RPAP3: variants seen among roughly 807,000 people sequenced by gnomAD.
RPAP3 encodes RNA polymerase II associated protein 3, also known as RNA polymerase II-associated protein 3.
A neutral mutation model predicts 88.8 loss-of-function variants in RPAP3; 58 were observed. The observed-to-expected ratio is 0.65, with a 90% confidence interval of 0.53 to 0.81. RPAP3 has a LOEUF of 0.81. Among genes scored for constraint, RPAP3 ranks in the 40% least tolerant of loss-of-function variants. The pLI, the probability that RPAP3 is intolerant of heterozygous loss-of-function variation, is 0.00. For missense variants in RPAP3, 751 were observed against 764.3 expected (o/e 0.98, Z 0.20); for synonymous variants, 255 against 259.9 (o/e 0.98, Z 0.18).
intron 9 of RPAP3, among the ~76,000 whole-genome samples, chr12:47,683,410 A>G (rs1376509876): frequency 6.6e-5 from 10 of 152,222 alleles, no homozygotes; most frequent in Non-Finnish European, 1.2e-4. Flanking sequence ...TATTTGCTGA[A>G]TAAGTAAATC....
rs186580896 is a variant in RPAP3, at chr12:47,664,127, C to A, written c.1913-537G>T. ...ATCATGGGCCAGGCGTGGTGGTTCA[C>A]GCCTGTAATCCCAGCACTTTGGGAG... On this transcript the variant is annotated intron_variant, in intron 16 of 16. Transcript: ENST00000005386. Among the ~76,000 whole-genome samples, 517 of 152,304 alleles carry A rather than the reference C, an allele frequency of 3.4e-3. 3 individuals are homozygous for A. The highest frequency in any genetic ancestry group is 0.012 in the African/African-American group (478 of 41,560).
intron 12 of RPAP3, among the ~76,000 whole-genome samples, chr12:47,675,507 G>A (rs916220581): frequency 5.9e-5 from 9 of 152,124 alleles, no homozygotes; most frequent in East Asian, 3.9e-4. Flanking sequence ...CCCATCTCAC[G>A]TGCAAAGACG....
chr12:47,668,317 C>T (rs1243729910), intron 14 of RPAP3, among the ~76,000 whole-genome samples: 1 of 152,116 alleles, frequency 6.6e-6, no homozygotes, highest in Non-Finnish European at 1.5e-5. Context: ...TCACTCTATT[C>T]TAGTCACAGA....
At chr12:47,679,450 A>G (rs1274306656) in intron 12 of RPAP3, 43 bp downstream of exon 12, 1 of 1,301,212 alleles carries the variant, frequency 7.7e-7, no homozygotes, top group South Asian at 1.3e-5. Flanking sequence ...TCCTATTACA[A>G]CATATTTAAA....
chr12:47,696,375 T>C lies in RPAP3; in HGVS notation c.446A>G (p.Tyr149Cys), dbSNP rs1387060444. ...KGNKYFKQGK[Y>C]DEAIDCYTKG... The stretch of plus-strand genomic sequence containing the variant: ...TGTGTAGCAGTCAATTGCTTCATCA[T>C]ATTTTCCTTGTTTGAAGTATTTATT... Residue 149 changes from tyrosine to cysteine, a missense_variant, in exon 5 of 17, where the codon TAT becomes TGT. By Grantham distance (194) the Tyr-to-Cys change is radical (BLOSUM62 -2). Transcript: ENST00000005386. 1.9e-6 allele frequency: 3 copies of C among 1,590,484 alleles called. No homozygotes were observed. The highest frequency in any genetic ancestry group is 3.5e-5 in the Admixed American group (2 of 57,114).
chr12:47,675,158 G>T (rs1592471720), intron 12 of RPAP3, among the ~76,000 whole-genome samples: 1 of 152,168 alleles, frequency 6.6e-6, no homozygotes, highest in African/African-American at 2.4e-5. Flanking sequence ...AGCTTCCTAA[G>T]TGAAGGAGAA....
chr12:47,673,444 C>CAAAAAAA (rs35080899), intron 12 of RPAP3, among the ~76,000 whole-genome samples: 3 of 60,766 alleles, frequency 4.9e-5, no homozygotes, highest in East Asian at 4.9e-4. Context: ...AACTCCGTCT[C>CAAAAAAA]AAAAAAAAAA....
intron 6 of RPAP3, 93 bp downstream of exon 6, chr12:47,690,425 T>G: frequency 6.7e-6 from 7 of 1,043,450 alleles, no homozygotes; most frequent in Non-Finnish European, 9.1e-6. Context: ...GAAAGCTCTC[T>G]GAAGGTAGTA....
At chr12:47,667,647 C>T in intron 15 of RPAP3, 107 bp downstream of exon 15, 1 of 607,474 alleles carries the variant, frequency 1.6e-6, no homozygotes, top group Non-Finnish European at 2.9e-6. Flanking sequence ...ATAAACAAGA[C>T]TTATGTTCCT....
intron 4 of RPAP3, 47 bp downstream of exon 4, chr12:47,697,550 A>G (rs1383547439): frequency 1.3e-6 from 2 of 1,531,956 alleles, no homozygotes; most frequent in East Asian, 2.3e-5. Flanking sequence ...ATGATTTTCA[A>G]CATCTCCTGC....
At chr12:47,701,874 C>A (rs1565724892) in intron 2 of RPAP3, among the ~76,000 whole-genome samples, 4 of 152,142 alleles carry the variant, frequency 2.6e-5, no homozygotes, top group African/African-American at 9.7e-5. Context: ...ATCCTAAATT[C>A]AAACTTCAAA....
chr12:47,705,763 C>T (rs561508203), intron 1 of RPAP3, among the ~76,000 whole-genome samples, 189 bp downstream of exon 1: 84 of 152,296 alleles, frequency 5.5e-4, no homozygotes, highest in African/African-American at 1.9e-3. Context: ...GGGGCGAGCC[C>T]CTCCGGGAAC....
At chr12:47,693,353 A>G (rs1252471204) in intron 5 of RPAP3, among the ~76,000 whole-genome samples, 3 of 152,148 alleles carry the variant, frequency 2.0e-5, no homozygotes, top group Non-Finnish European at 4.4e-5. Flanking sequence ...ATTACAATAG[A>G]AACATCAAAG....
chr12:47,682,951 G>A (rs1264301870), intron 9 of RPAP3, among the ~76,000 whole-genome samples: 2 of 152,100 alleles, frequency 1.3e-5, no homozygotes, highest in East Asian at 3.9e-4. Context: ...TTCCTTTGGA[G>A]CGCAAAGTCA....
intron 3 of RPAP3, among the ~76,000 whole-genome samples, chr12:47,697,966 T>C (rs1300268130): frequency 6.6e-6 from 1 of 152,140 alleles, no homozygotes; most frequent in Non-Finnish European, 1.5e-5. Flanking sequence ...GTCAACAGAT[T>C]GTACAAATCA....
At chr12:47,685,270 T>C (rs577722347) in intron 9 of RPAP3, among the ~76,000 whole-genome samples, 5 of 151,924 alleles carry the variant, frequency 3.3e-5, no homozygotes, top group Admixed American at 3.3e-4. Flanking sequence ...ACCCAGCAAC[T>C]TGGGAGGTTG....
chr12:47,664,097 A>G (rs924307317), intron 16 of RPAP3, among the ~76,000 whole-genome samples: 6 of 152,208 alleles, frequency 3.9e-5, no homozygotes, highest in Non-Finnish European at 8.8e-5. Flanking sequence ...CATGTTAAAA[A>G]TAAGATCATG....
chr12:47,704,945 G>A (rs975052228), intron 1 of RPAP3, among the ~76,000 whole-genome samples: 1 of 151,918 alleles, frequency 6.6e-6, no homozygotes, highest in Non-Finnish European at 1.5e-5. Context: ...CGAGGCCACA[G>A]TGGGCGGTGA....
At chr12:47,688,638 C>G (rs1939371024) in intron 7 of RPAP3, among the ~76,000 whole-genome samples, 1 of 152,106 alleles carries the variant, frequency 6.6e-6, no homozygotes, top group African/African-American at 2.4e-5. Context: ...ACTACATCAC[C>G]AAACTTCTCA....
Sources: gnomAD v4.1 joint callset for allele counts (sites outside exome capture counted in the v4.1 genomes callset) on GRCh38, gnomAD v4.1.1 for gene constraint, MANE v1.5 for transcripts, NCBI Gene and HGNC (gene_info 2026-07-23, HGNC 2026-07-21) for gene names.